The following LMX1A variants were observed in gnomAD, a reference collection of about 807,000 sequenced individuals.
The protein encoded by LMX1A is LIM homeobox transcription factor 1-alpha.
A neutral mutation model predicts 49.1 loss-of-function variants in LMX1A; 15 were observed. That is an observed-to-expected ratio of 0.31 (90% CI 0.20 to 0.47). The LOEUF (loss-of-function observed/expected upper bound fraction) is 0.47. Among genes scored for constraint, LMX1A ranks in the 20% least tolerant of loss-of-function variants. The probability of loss-of-function intolerance (pLI) is 1.00; values close to 1 mark genes in which losing one functional copy is unlikely to be tolerated. For missense variants in LMX1A, 372 were observed against 475.8 expected, an observed-to-expected ratio of 0.78 and a Z score of 2.03; for synonymous variants, 167 against 185.7, an observed-to-expected ratio of 0.90 and a Z score of 0.82.
intron 3 of LMX1A, among the ~76,000 whole-genome samples, chr1:165,340,082 T>C (rs893478992): frequency 6.6e-6 from 1 of 152,206 alleles, no homozygotes; most frequent in Non-Finnish European, 1.5e-5. Context: ...AATGCTGTCC[T>C]GTACCCTCTA....
At chr1:165,255,984 A>AT (rs1305307525) in intron 3 of LMX1A, among the ~76,000 whole-genome samples, 1 of 151,964 alleles carries the variant, frequency 6.6e-6, no homozygotes, top group Admixed American at 6.6e-5. Context: ...AAAAAAAAAA[A>AT]GAATGTTGTG....
chr1:165,237,590 C>CA (rs902241830), intron 4 of LMX1A, among the ~76,000 whole-genome samples: 14 of 152,004 alleles, frequency 9.2e-5, no homozygotes, highest in Admixed American at 2.0e-4. Context: ...CAAAACAAAA[C>CA]AAAAAAACCC....
intron 3 of LMX1A, among the ~76,000 whole-genome samples, chr1:165,297,397 A>G (rs1557876804): frequency 6.6e-6 from 1 of 152,216 alleles, no homozygotes; most frequent in Non-Finnish European, 1.5e-5. Context: ...GGAATATTGT[A>G]TCCTTTATCT....
intron 3 of LMX1A, among the ~76,000 whole-genome samples, chr1:165,280,839 G>A (rs1051287412): frequency 6.6e-6 from 1 of 151,596 alleles, no homozygotes; most frequent in Non-Finnish European, 1.5e-5. Flanking sequence ...CACCCCCACC[G>A]CATGGTATCC....
chr1:165,256,577 T>C (rs764456685), intron 3 of LMX1A, among the ~76,000 whole-genome samples: 3 of 152,188 alleles, frequency 2.0e-5, no homozygotes, highest in African/African-American at 4.8e-5. Context: ...TTCAAATATA[T>C]ATAAATATAA....
intron 3 of LMX1A, among the ~76,000 whole-genome samples, chr1:165,333,584 T>A (rs1571228293): frequency 6.6e-6 from 1 of 152,360 alleles, no homozygotes; most frequent in East Asian, 1.9e-4. Context: ...TTAAAATTTT[T>A]AAAAATTTCC....
intron 3 of LMX1A, among the ~76,000 whole-genome samples, chr1:165,268,737 G>A (rs1206964210): frequency 1.3e-5 from 2 of 152,210 alleles, no homozygotes; most frequent in Non-Finnish European, 2.9e-5. Context: ...TGGGCTTAGT[G>A]ACACCCATGC....
chr1:165,246,470 T>C (rs1185076961), intron 4 of LMX1A, among the ~76,000 whole-genome samples: 1 of 152,166 alleles, frequency 6.6e-6, no homozygotes, highest in Non-Finnish European at 1.5e-5. Context: ...CCCTCCCACC[T>C]CATCAATATT....
At chr1:165,351,353 G>A (rs1047123346) in intron 3 of LMX1A, among the ~76,000 whole-genome samples, 4 of 152,208 alleles carry the variant, frequency 2.6e-5, no homozygotes, top group African/African-American at 9.7e-5. Context: ...AGAAAAAAGC[G>A]AGCAATCAGC....
At chr1:165,261,890 A>C (rs1228230118) in intron 3 of LMX1A, among the ~76,000 whole-genome samples, 1 of 152,176 alleles carries the variant, frequency 6.6e-6, no homozygotes, top group East Asian at 1.9e-4. Context: ...GGTACTATTT[A>C]ATGAGCATAG....
chr1:165,247,179 T>G (rs1387934688), intron 4 of LMX1A, among the ~76,000 whole-genome samples: 2 of 150,090 alleles, frequency 1.3e-5, no homozygotes, highest in Admixed American at 1.3e-4. Context: ...ACTGTATAAC[T>G]TAGTGATTAA....
intron 3 of LMX1A, among the ~76,000 whole-genome samples, chr1:165,330,875 C>A (rs1050642246): frequency 2.0e-5 from 3 of 152,102 alleles, no homozygotes; most frequent in Non-Finnish European, 4.4e-5. Context: ...TCCAGCTGAG[C>A]CCTGACCTAC....
At chr1:165,248,530 T>C (rs1557862580) in intron 4 of LMX1A, among the ~76,000 whole-genome samples, 1 of 152,228 alleles carries the variant, frequency 6.6e-6, no homozygotes, top group Non-Finnish European at 1.5e-5. Flanking sequence ...GTAATTTCTC[T>C]GACCTTGTGA....
At chr1:165,354,406 C>G (rs906885420) in intron 2 of LMX1A, among the ~76,000 whole-genome samples, 1 of 152,274 alleles carries the variant, frequency 6.6e-6, no homozygotes, top group African/African-American at 2.4e-5. Flanking sequence ...GAACGTGGGC[C>G]GAGCGGAGGA....
At chr1:165,224,039 G>C (rs765073390) in intron 4 of LMX1A, among the ~76,000 whole-genome samples, 1 of 152,232 alleles carries the variant, frequency 6.6e-6, no homozygotes, top group Non-Finnish European at 1.5e-5. Context: ...CTAGTGGGAA[G>C]TGATTGGATC....
chr1:165,241,311 TA>T (rs1296791422), intron 4 of LMX1A, among the ~76,000 whole-genome samples: 1 of 152,198 alleles, frequency 6.6e-6, no homozygotes, highest in Non-Finnish European at 1.5e-5. Flanking sequence ...GGATCTTTGG[TA>T]AAATAAACTT....
chr1:165,333,750 A>C (rs1006344828), intron 3 of LMX1A, among the ~76,000 whole-genome samples: 1 of 152,156 alleles, frequency 6.6e-6, no homozygotes, highest in South Asian at 2.1e-4. Flanking sequence ...ATGCATACAC[A>C]CAAACACGCA....
At chr1:165,261,482 T>C (rs932618216) in intron 3 of LMX1A, among the ~76,000 whole-genome samples, 1 of 152,126 alleles carries the variant, frequency 6.6e-6, no homozygotes, top group Middle Eastern at 3.2e-3. Context: ...GTACGGAGTT[T>C]CCTCAAAAAA....
intron 3 of LMX1A, among the ~76,000 whole-genome samples, chr1:165,259,333 G>A (rs113192874): frequency 3.9e-5 from 6 of 152,270 alleles, no homozygotes; most frequent in African/African-American, 1.2e-4. Context: ...CACTGGCCAC[G>A]AGTGTTGACC....
Sources: gnomAD v4.1 joint callset for allele counts (sites outside exome capture counted in the v4.1 genomes callset) on GRCh38, gnomAD v4.1.1 for gene constraint, MANE v1.5 for transcripts, NCBI Gene and HGNC (gene_info 2026-07-23, HGNC 2026-07-21) for gene names.